The following SAR1A variants were observed in gnomAD, a reference collection of about 807,000 sequenced individuals.
SAR1A encodes secretion associated Ras related GTPase 1A, also known as small COPII coat GTPase SAR1A.
SAR1A carries 6 observed loss-of-function variants against 22.6 expected under a neutral mutation model. The ratio of observed to expected loss-of-function variants is 0.27; its 90% CI spans 0.15 to 0.52. The LOEUF (loss-of-function observed/expected upper bound fraction) is 0.52. Among genes scored for constraint, SAR1A ranks in the 20% least tolerant of loss-of-function variants. The pLI is 0.96. For synonymous variants in SAR1A, 70 were observed against 82.2 expected (o/e 0.85, Z 0.80); for missense variants, 145 against 245.1 (o/e 0.59, Z 2.73).
intron 3 of SAR1A, 135 bp from the exon 4 acceptor site, chr10:70,161,204 T>G (rs992930766): frequency 1.2e-5 from 8 of 673,932 alleles, no homozygotes; most frequent in Non-Finnish European, 2.0e-5. Flanking sequence ...GGTACCCGCC[T>G]GTAGTTCCAG....
At position 70,151,282 on chromosome 10, in the gene SAR1A, A is replaced by C. The variant is rs1023224954; in HGVS notation, c.*1194T>G. On this transcript the variant is annotated 3_prime_UTR_variant, in exon 7 of 7. Coordinates refer to ENST00000373241, the MANE Select transcript of SAR1A (RefSeq NM_020150.5). ...ACCAAAAAAAAAAAAAAAAAAAAAA[A>C]AACCTGGAAAAGCTACAGATGTTAA... The C allele has an allele frequency of 7.1e-6, 1 of 139,876 alleles. No homozygotes were observed. The highest frequency in any genetic ancestry group is 1.6e-5 in the Non-Finnish European group (1 of 63,506). The allele number at this position is 139,876 out of a possible 1,614,324, so 8.7% of individuals were successfully genotyped here.
intron 5 of SAR1A, among the ~76,000 whole-genome samples, chr10:70,155,544 A>C (rs1356493067): frequency 6.6e-6 from 1 of 151,828 alleles, no homozygotes; most frequent in African/African-American, 2.4e-5. Flanking sequence ...TGCTAGGTGC[A>C]GGGGTTTTGC....
At chr10:70,158,770 AG>A (rs1201715983) in intron 4 of SAR1A, among the ~76,000 whole-genome samples, 6 of 151,108 alleles carry the variant, frequency 4.0e-5, no homozygotes, top group African/African-American at 1.2e-4. Flanking sequence ...AAAAAAAAAA[AG>A]GAAACCTCCA....
intron 6 of SAR1A, 118 bp downstream of exon 6, chr10:70,153,720 A>G (rs1310650897): frequency 2.5e-6 from 2 of 813,382 alleles, no homozygotes; most frequent in African/African-American, 1.8e-5. Flanking sequence ...TACTCACAGT[A>G]AAACTAATCC....
chr10:70,152,810 G>C (rs1426531145), intron 6 of SAR1A, among the ~76,000 whole-genome samples: 1 of 152,194 alleles, frequency 6.6e-6, no homozygotes, highest in Non-Finnish European at 1.5e-5. Context: ...TTCTCTCTCT[G>C]AAGAGCATTT....
At chr10:70,155,872 G>A (rs1256550868) in intron 5 of SAR1A, among the ~76,000 whole-genome samples, 2 of 152,178 alleles carry the variant, frequency 1.3e-5, no homozygotes, top group African/African-American at 2.4e-5. Context: ...GAAACAGAGG[G>A]AGGATCATGA....
rs1252883586 is a variant in SAR1A at position 70,150,396 on chromosome 10, A to G, written c.*2080T>C. 6.6e-6 allele frequency: 1 copy of G among 152,218 alleles called. No individual in the cohort carries two copies. Among genetic ancestry groups the G allele is most frequent in the African/African-American group, 2.4e-5 (1 of 41,460 alleles). The allele number at this position is 152,218 out of a possible 1,614,324, so 9.4% of individuals were successfully genotyped here. ...TGAGCTCCTCACAGCAGCTTCTTTC[A>G]GCTATCTTATAGGAATAGTGTTCCG... On this transcript the variant is annotated 3_prime_UTR_variant, in exon 7 of 7. Transcript: ENST00000373241.
chr10:70,167,118 A>C (rs926568470), intron 1 of SAR1A, among the ~76,000 whole-genome samples: 1 of 152,208 alleles, frequency 6.6e-6, no homozygotes, highest in African/African-American at 2.4e-5. Context: ...TCTCATAGCT[A>C]TCAAAAGCTA....
rs1171226979 is a variant in SAR1A, at chr10:70,152,422, G to A, written c.*54C>T. The A allele has an allele frequency of 9.7e-6, 13 of 1,340,108 alleles. No homozygotes were observed. The highest frequency in any genetic ancestry group is 1.4e-5 in the African/African-American group (1 of 69,390). The allele number at this position is 1,340,108 out of a possible 1,614,324, so 83.0% of individuals were successfully genotyped here. ...TATTAGAAAAGTTCATGAGGAAGCT[G>A]TGAATAGGATCAGTCCAGAGAAGTA... On this transcript the variant is annotated 3_prime_UTR_variant, in exon 7 of 7. Coordinates refer to ENST00000373241, the MANE Select transcript of SAR1A (RefSeq NM_020150.5).
chr10:70,163,113 G>A (rs373666182), intron 1 of SAR1A: 1 of 152,266 alleles, frequency 6.6e-6, no homozygotes, highest in African/African-American at 2.4e-5. Context: ...CCAGAAGCTA[G>A]GCCTCTTGCA....
chr10:70,165,539 G>A (rs1839536960), intron 1 of SAR1A, among the ~76,000 whole-genome samples: 1 of 152,182 alleles, frequency 6.6e-6, no homozygotes, highest in Non-Finnish European at 1.5e-5. Context: ...GAAACAGCAA[G>A]AGAACTAGAA....
At chr10:70,164,421 C>CT (rs1441573965) in intron 1 of SAR1A, among the ~76,000 whole-genome samples, 1 of 152,092 alleles carries the variant, frequency 6.6e-6, no homozygotes, top group Non-Finnish European at 1.5e-5. Context: ...CGGGTTATGC[C>CT]TTTTTTTAAA....
intron 4 of SAR1A, 152 bp from the exon 5 acceptor site, chr10:70,158,019 A>C: frequency 3.5e-6 from 2 of 569,466 alleles, no homozygotes; most frequent in Non-Finnish European, 6.2e-6. Flanking sequence ...TTAATTCAGA[A>C]CAGAGGATGC....
At chr10:70,168,223 A>G (rs1394794508) in intron 1 of SAR1A, among the ~76,000 whole-genome samples, 1 of 152,266 alleles carries the variant, frequency 6.6e-6, no homozygotes, top group Non-Finnish European at 1.5e-5. Flanking sequence ...TCAAAGGAAA[A>G]TAAAATGGAA....
At chr10:70,159,372 A>G (rs1366255849) in intron 4 of SAR1A, among the ~76,000 whole-genome samples, 4 of 152,324 alleles carry the variant, frequency 2.6e-5, no homozygotes, top group African/African-American at 9.6e-5. Flanking sequence ...AGAAATGACC[A>G]ATGTTATATT....
At position 70,151,838 on chromosome 10, in the gene SAR1A, T is replaced by C. The variant is rs1839330265; in HGVS notation, c.*638A>G. 1 of 153,368 alleles carries C rather than the reference T, an allele frequency of 6.5e-6. No homozygotes were observed. The highest frequency in any genetic ancestry group is 2.0e-4 in the South Asian group (1 of 4,882). 9.5% of individuals were successfully genotyped at this position (153,368 alleles called of 1,614,324 possible). A position where few individuals can be genotyped will look rare whatever the true frequency, so the allele number is the denominator to read the frequency against. On this transcript the variant is annotated 3_prime_UTR_variant, in exon 7 of 7. Transcript: ENST00000373241. Reference sequence around the variant, plus strand: ...TACCACAGTGGAAACCTGCCACAACTGCAAGGCCGGGGTTCTGCCCCTTTT... The same window carrying C: ...TACCACAGTGGAAACCTGCCACAACCGCAAGGCCGGGGTTCTGCCCCTTTT...
chr10:70,155,524 T>C (rs145253385), intron 5 of SAR1A, among the ~76,000 whole-genome samples: 1 of 152,290 alleles, frequency 6.6e-6, no homozygotes, highest in Non-Finnish European at 1.5e-5. Context: ...ACCTAATGTG[T>C]CTAATGCTTT....
intron 2 of SAR1A, 44 bp from the exon 3 acceptor site, chr10:70,161,782 C>A: frequency 6.2e-7 from 1 of 1,613,498 alleles, no homozygotes; most frequent in Middle Eastern, 1.7e-4. Context: ...CTCTACAGAC[C>A]AAAGCCTATT....
chr10:70,153,775 G>A (rs571835551), intron 6 of SAR1A, 63 bp downstream of exon 6: 25 of 1,370,896 alleles, frequency 1.8e-5, no homozygotes, highest in Middle Eastern at 1.9e-4. Flanking sequence ...TCTAGATAGC[G>A]AAACATCATG....
Sources: allele counts gnomAD v4.1 joint callset (sites outside exome capture counted in the v4.1 genomes callset), GRCh38; gene constraint gnomAD v4.1.1; transcripts MANE v1.5; gene names NCBI Gene and HGNC (gene_info 2026-07-23, HGNC 2026-07-21).